COMMD4: variants seen among roughly 807,000 people sequenced by gnomAD.
COMMD4 encodes the protein COMM domain-containing protein 4.
A neutral mutation model predicts 27.5 loss-of-function variants in COMMD4; 18 were observed. That is an observed-to-expected ratio of 0.65 (90% confidence interval 0.45 to 0.97). The LOEUF is 0.97. COMMD4 is among the 50% of genes least tolerant of loss of function. COMMD4 has a pLI of 0.00. For missense variants in COMMD4, 243 were observed against 250.0 expected, an observed-to-expected ratio of 0.97 and a Z score of 0.19; for synonymous variants, 108 against 108.4, an observed-to-expected ratio of 1.00 and a Z score of 0.02.
At position 75,338,627 on chromosome 15, in the gene COMMD4, A is replaced by G. The variant is rs2071314354; in HGVS notation, c.142-19A>G. 1 of 1,613,564 alleles carries G rather than the reference A, an allele frequency of 6.2e-7. No homozygotes were observed. Among genetic ancestry groups the G allele is most frequent in the Non-Finnish European group, 8.5e-7 (1 of 1,179,808 alleles). On this transcript the variant is annotated intron_variant, in intron 3 of 7. Transcript: ENST00000267935. ...TGAGCAGGGGCCTGGCACCCCCTGA[A>G]GGTCTCCTTTCCCCATAGTATGAGA... is the stretch of plus-strand genomic sequence containing the variant.
chr15:75,336,589 T>A (rs2071202224), intron 1 of COMMD4: 1 of 210,634 alleles, frequency 4.7e-6, no homozygotes, highest in Middle Eastern at 1.8e-3. Context: ...ATCCAATCCA[T>A]CCATCCGTAC....
At chr15:75,336,247 C>CA (rs2071176436) in intron 1 of COMMD4, 155 bp downstream of exon 1, 1 of 1,523,756 alleles carries the variant, frequency 6.6e-7, no homozygotes, top group African/African-American at 1.4e-5. Flanking sequence ...AAAAGTCCAC[C>CA]ACTCTCCCGC....
At position 75,339,729 on chromosome 15, in the gene COMMD4, G is replaced by A. The variant is rs140470549; in HGVS notation, c.410G>A (p.Arg137Gln). ...RMNRLAGVGW[R>Q]VDYTLSSSLL... ...AATAGGTTGGCAGGTGTGGGCTGGCGGGTGGACTACACCCTGAGCTCCAGC... is the reference window on the plus strand; with the variant it reads ...AATAGGTTGGCAGGTGTGGGCTGGCAGGTGGACTACACCCTGAGCTCCAGC... The change falls in exon 7 of 8, where the codon CGG becomes CAG. Residue 137 changes from arginine to glutamine, a missense_variant. Physicochemically the swap from Arg to Gln is conservative, Grantham distance 43 (BLOSUM62 1). Coordinates refer to ENST00000267935, the MANE Select transcript of COMMD4 (RefSeq NM_017828.5). The A allele has an allele frequency of 8.1e-6, 13 of 1,607,346 alleles. No individual in the cohort carries two copies. Among genetic ancestry groups the A allele is most frequent in the Admixed American group, 6.7e-5 (4 of 59,558 alleles).
In COMMD4 at chr15:75,339,792, G is replaced by A. The variant is rs750319979; in HGVS notation, c.473G>A (p.Arg158Gln). 92 of 1,613,952 alleles carry A rather than the reference G, an allele frequency of 5.7e-5. No individual in the cohort carries two copies. Among genetic ancestry groups the A allele is most frequent in the Non-Finnish European group, 6.6e-5 (78 of 1,179,984 alleles). The change falls in exon 7 of 8, where the codon CGG (arginine) becomes CAG (glutamine). Residue 158 changes from arginine (R) to glutamine (Q), a missense_variant. Physicochemically the swap from Arg to Gln is conservative, Grantham distance 43 (BLOSUM62 1). Transcript: ENST00000267935. ...GTGGAAGAGCCCATGGTGCACCTGC[G>A]GCTGGAGGTGGCAGCTGCCCCAGGG... ...QSVEEPMVHL[R>Q]LEVAAAPGTP...
chr15:75,341,968 G>T (rs1443882577), downstream of COMMD4: 2 of 149,402 alleles, frequency 1.3e-5, no homozygotes, highest in Non-Finnish European at 3.0e-5. Context: ...GAAGGCTGAG[G>T]CAGGAGGATC....
At position 75,338,152 on chromosome 15, in the gene COMMD4, A is replaced by C. The variant is rs2071284087; in HGVS notation, c.75+19A>C. 6.4e-7 allele frequency: 1 copy of C among 1,551,866 alleles called. No individual in the cohort carries two copies. Among genetic ancestry groups the C allele is most frequent in the African/African-American group, 1.4e-5 (1 of 73,604 alleles). ...CAAGATGGTTGAGTGCACAGGGTCTAGTCTGGGTGGAGGAGGGGTGTTGGG... is the reference window on the plus strand; with the variant it reads ...CAAGATGGTTGAGTGCACAGGGTCTCGTCTGGGTGGAGGAGGGGTGTTGGG... On this transcript the variant is annotated intron_variant, in intron 2 of 7. Transcript: ENST00000267935.
intron 2 of COMMD4, 107 bp downstream of exon 2, chr15:75,338,240 A>G: frequency 6.7e-7 from 1 of 1,490,414 alleles, no homozygotes; most frequent in South Asian, 1.2e-5. Flanking sequence ...CAGTGCTCTC[A>G]GCCTGTGCTA....
rs192449756 is a variant in COMMD4, at chr15:75,338,759, C to A, written c.181+74C>A. 5.6e-5 allele frequency: 84 copies of A among 1,510,674 alleles called. No homozygotes were observed. In the East Asian group the frequency reaches 1.8e-3, roughly 32 times the overall value. 93.6% of individuals were successfully genotyped at this position (1,510,674 alleles called of 1,614,324 possible). On this transcript the variant is annotated intron_variant, in intron 4 of 7. Transcript: ENST00000267935. ...GCCTGGTGCCTGGTACAGAGGGGCCCCCCACCCCTCCCAGCAGCATCCTTA... is the reference window on the plus strand; with the variant it reads ...GCCTGGTGCCTGGTACAGAGGGGCCACCCACCCCTCCCAGCAGCATCCTTA...
downstream of COMMD4, chr15:75,340,941 C>G (rs1432786286): frequency 6.6e-6 from 1 of 152,334 alleles, no homozygotes. Flanking sequence ...GCCACTGCGC[C>G]CAGCCACTGC....
chr15:75,338,783 T>C, intron 4 of COMMD4, 98 bp downstream of exon 4: 1 of 1,446,928 alleles, frequency 6.9e-7, no homozygotes, highest in Non-Finnish European at 9.6e-7. Flanking sequence ...GCAGCATCCT[T>C]AACTTACCTT....
chr15:75,338,428 C>T lies in COMMD4; in HGVS notation c.141+8C>T. ...CTGGGACAGGGGATTGATGTGAGTA[C>T]AAGATCCAGCACCCCATTGTCCCAT... On this transcript the variant is annotated splice_region_variant and intron_variant, in intron 3 of 7. Coordinates refer to ENST00000267935, the MANE Select transcript of COMMD4 (RefSeq NM_017828.5). 1.2e-6 allele frequency: 2 copies of T among 1,605,506 alleles called. No homozygotes were observed. The highest frequency in any genetic ancestry group is 1.7e-6 in the Non-Finnish European group (2 of 1,176,462).
At position 75,338,488 on chromosome 15, in the gene COMMD4, C is replaced by T. The variant is rs2071305677; in HGVS notation, c.141+68C>T. On this transcript the variant is annotated intron_variant, in intron 3 of 7. Coordinates refer to ENST00000267935, the MANE Select transcript of COMMD4 (RefSeq NM_017828.5). ...ACCACCACTGCCCTGAAACTCTGCA[C>T]TAGGCCCAGGGAGACGGGTGAGCCA... 3.8e-6 allele frequency: 6 copies of T among 1,594,200 alleles called. No individual in the cohort carries two copies. In the Admixed American group the frequency reaches 1.0e-4, roughly 28 times the overall value.
downstream of COMMD4, chr15:75,342,408 A>T (rs1036379632): frequency 6.6e-6 from 1 of 152,236 alleles, no homozygotes; most frequent in Admixed American, 6.5e-5. Context: ...GTGCAGTGGC[A>T]CATGCCTGTG....
chr15:75,340,080 A>G lies in COMMD4; in HGVS notation c.*75A>G. 1 of 1,546,490 alleles carries G rather than the reference A, an allele frequency of 6.5e-7. No individual in the cohort carries two copies. The highest frequency in any genetic ancestry group is 2.4e-5 in the East Asian group (1 of 42,458). On this transcript the variant is annotated 3_prime_UTR_variant, in exon 8 of 8. Coordinates refer to ENST00000267935, the MANE Select transcript of COMMD4 (RefSeq NM_017828.5). ...CACGCCCTCTGAACTGCTCTTCGGG[A>G]GGCAGCCCTGGTTCTAGGATGCTGA...
In COMMD4 at chr15:75,336,073, C is replaced by A; in HGVS notation, c.-17C>A. On this transcript the variant is annotated 5_prime_UTR_variant, in exon 1 of 8. Transcript: ENST00000267935. ...GGACCGGAAAAAGAAATTCCCGGGC[C>A]CTGGCTTCTTGGCGCGATGGTGAGG... The A allele has an allele frequency of 1.3e-6, 2 of 1,549,698 alleles. No homozygotes were observed. The highest frequency in any genetic ancestry group is 1.7e-6 in the Non-Finnish European group (2 of 1,146,808).
chr15:75,339,568 A>T, intron 6 of COMMD4, 134 bp from the exon 7 acceptor site: 1 of 1,168,626 alleles, frequency 8.6e-7, no homozygotes, highest in Non-Finnish European at 1.2e-6. Context: ...CCCTGTTCTG[A>T]GCCTGGGTCA....
Position 75,339,080 on chromosome 15 carries a change from C to A in COMMD4, c.277C>A (p.Leu93Met), listed in dbSNP as rs1334573163. 6.2e-7 allele frequency: 1 copy of A among 1,613,538 alleles called. No individual in the cohort carries two copies. The highest frequency in any genetic ancestry group is 1.7e-5 in the Admixed American group (1 of 60,004). Residue 93 changes from leucine to methionine, a missense_variant, in exon 5 of 8, where the codon CTG becomes ATG. Physicochemically the swap from Leu to Met is conservative, Grantham distance 15 (BLOSUM62 2). Coordinates refer to ENST00000267935, the MANE Select transcript of COMMD4 (RefSeq NM_017828.5). ...SVDGESLSSELQQLGLPKEHA... is the reference protein window; with the variant it reads ...SVDGESLSSEMQQLGLPKEHA... ...CGATGGCGAATCCTTGTCCAGTGAACTGCAGCAGCTGGGGCTGCCCAAAGG... is the reference window on the plus strand; with the variant it reads ...CGATGGCGAATCCTTGTCCAGTGAAATGCAGCAGCTGGGGCTGCCCAAAGG...
rs1418132548 is a variant in COMMD4, at chr15:75,339,984, C to T, written c.579C>T (p.Thr193=). The change falls in exon 8 of 8, where the codon ACC becomes ACT. Residue 193 remains threonine (T), a synonymous_variant. Transcript: ENST00000267935. ...VLLAELKQAQ[T]LMSSLG is the part of the protein sequence containing the mutation. The stretch of plus-strand genomic sequence containing the variant: ...CTGCAGAACTGAAGCAGGCCCAGAC[C>T]CTGATGAGCTCCCTGGGCTGAGGAG... The T allele has an allele frequency of 1.2e-6, 2 of 1,614,008 alleles. No homozygotes were observed. Among genetic ancestry groups the T allele is most frequent in the Non-Finnish European group, 1.7e-6 (2 of 1,180,012 alleles).
At chr15:75,336,322 G>A (rs758138545) in intron 1 of COMMD4, 1 of 1,400,124 alleles carries the variant, frequency 7.1e-7, no homozygotes, top group Non-Finnish European at 9.3e-7. Flanking sequence ...TTAGAGTCCC[G>A]GTGCTTCCCT....
Sources: gnomAD v4.1 joint callset for allele counts on GRCh38, gnomAD v4.1.1 for gene constraint, MANE v1.5 for transcripts, NCBI Gene and HGNC (gene_info 2026-07-23, HGNC 2026-07-21) for gene names.